Variants in UGT2B15 observed in about 807,000 individuals in gnomAD.
UGT2B15 encodes the protein UDP-glucuronosyltransferase 2B15.
Under a neutral mutation model 45.9 loss-of-function variants are expected in UGT2B15, and 36 were observed. The observed-to-expected ratio is 0.78, with a 90% CI of 0.60 to 1.04. UGT2B15 has a LOEUF of 1.04. Among genes scored for constraint, UGT2B15 ranks in the 50% least tolerant of loss-of-function variants. The pLI, the probability that UGT2B15 is intolerant of heterozygous loss-of-function variation, is 0.00. For missense variants in UGT2B15, 617 were observed against 622.4 expected, an observed-to-expected ratio of 0.99 and a Z score of 0.09; for synonymous variants, 219 against 216.4, an observed-to-expected ratio of 1.01 and a Z score of -0.11.
chr4:68,650,214 G>A (rs1732609987), intron 5 of UGT2B15, among the ~76,000 whole-genome samples: 2 of 151,876 alleles, frequency 1.3e-5, no homozygotes, highest in Admixed American at 6.6e-5. Context: ...TGTTACATAC[G>A]TATATACGTG....
rs534009404 is a variant in UGT2B15 at position 68,657,089 on chromosome 4, G to A, written c.1006-1907C>T. Among the ~76,000 whole-genome samples the A allele has an allele frequency of 5.8e-4, 89 of 152,208 alleles. 1 individual carries two copies. Among genetic ancestry groups the A allele is most frequent in the African/African-American group, 2.1e-3 (87 of 41,544 alleles). Reference sequence around the variant, plus strand: ...TTATTCCCCAAATTAATCTCATTTGGCTTGTCTGTGTGGATTTGTGTGAGA... The same window carrying A: ...TTATTCCCCAAATTAATCTCATTTGACTTGTCTGTGTGGATTTGTGTGAGA... On this transcript the variant is annotated intron_variant, in intron 3 of 5. Transcript: ENST00000338206.
chr4:68,664,110 C>G (rs1215909529), intron 2 of UGT2B15, among the ~76,000 whole-genome samples: 5 of 151,798 alleles, frequency 3.3e-5, no homozygotes, highest in South Asian at 2.1e-4. Context: ...CTGCTCACCC[C>G]CTAGAGTAGC....
chr4:68,655,464 CAA>C (rs1732777227), intron 3 of UGT2B15, among the ~76,000 whole-genome samples: 1 of 152,062 alleles, frequency 6.6e-6, no homozygotes, highest in African/African-American at 2.4e-5. Flanking sequence ...TAAATCTTGG[CAA>C]CCCAAACTCT....
At chr4:68,649,700 C>T (rs754741382) in intron 5 of UGT2B15, among the ~76,000 whole-genome samples, 22 of 152,000 alleles carry the variant, frequency 1.4e-4, no homozygotes, top group Non-Finnish European at 2.6e-4. Flanking sequence ...ATATATAACA[C>T]ATAGATTACA....
chr4:68,661,234 T>A lies in UGT2B15; in HGVS notation c.1005+1774A>T, dbSNP rs539476853. On this transcript the variant is annotated intron_variant, in intron 3 of 5. Transcript: ENST00000338206. The stretch of plus-strand genomic sequence containing the variant: ...TCACTGCCTCCCATTCTATTCAAAG[T>A]CACCCCTCTGCTCACTGGGATAAAT... Among the ~76,000 whole-genome samples the A allele has an allele frequency of 1.2e-4, 19 of 152,134 alleles. 1 individual carries two copies. Among genetic ancestry groups the A allele is most frequent in the Non-Finnish European group, 1.9e-4 (13 of 67,970 alleles).
intron 2 of UGT2B15, among the ~76,000 whole-genome samples, chr4:68,666,242 C>T (rs1733115113): frequency 6.6e-6 from 1 of 152,030 alleles, no homozygotes; most frequent in South Asian, 2.1e-4. Context: ...ACTGACTGCC[C>T]AAACTTAAAC....
rs369459294 is a variant in UGT2B15, at chr4:68,654,290, T to A, written c.1094-34A>T. On this transcript the variant is annotated intron_variant, in intron 4 of 5. Coordinates refer to ENST00000338206, the MANE Select transcript of UGT2B15 (RefSeq NM_001076.4). Reference sequence around the variant, plus strand: ...GGATGCATTTTAACAAAATTATTAATTACAAGGTATGAGAATTGAATAAGA... The same window carrying A: ...GGATGCATTTTAACAAAATTATTAAATACAAGGTATGAGAATTGAATAAGA... The A allele has an allele frequency of 2.9e-5, 47 of 1,602,706 alleles. No individual in the cohort carries two copies. In the African/African-American group the frequency reaches 5.9e-4, roughly 20 times the overall value.
At chr4:68,655,695 C>T (rs1732783492) in intron 3 of UGT2B15, among the ~76,000 whole-genome samples, 1 of 152,086 alleles carries the variant, frequency 6.6e-6, no homozygotes, top group Admixed American at 6.6e-5. Flanking sequence ...AGCTGTCTCC[C>T]ATTTCTGGAC....
chr4:68,654,352 C>A, intron 4 of UGT2B15, 96 bp from the exon 5 acceptor site: 1 of 1,277,198 alleles, frequency 7.8e-7, no homozygotes, highest in Non-Finnish European at 1.1e-6. Context: ...AAAACTGTTC[C>A]CTAGGTAACA....
At chr4:68,669,350 T>C (rs1249820519) in intron 1 of UGT2B15, among the ~76,000 whole-genome samples, 1 of 152,124 alleles carries the variant, frequency 6.6e-6, no homozygotes, top group Non-Finnish European at 1.5e-5. Context: ...TGAAGGAATG[T>C]ATAAACATTA....
In UGT2B15 at chr4:68,670,322, A is replaced by G. The variant is rs1215572651; in HGVS notation, c.297T>C (p.Tyr99=). Residue 99 remains tyrosine (Y), a synonymous_variant, in exon 1 of 6, where the codon TAT becomes TAC. Transcript: ENST00000338206. ...ACCAAAATGTATTTTTTGAAACACCATATATCCATCTATCGAGAATTTTCA... is the reference window on the plus strand; with the variant it reads ...ACCAAAATGTATTTTTTGAAACACCGTATATCCATCTATCGAGAATTTTCA... The part of the protein sequence containing the change: ...SLLKILDRWI[Y]GVSKNTFWSY... 4.3e-6 allele frequency: 7 copies of G among 1,613,906 alleles called. No homozygotes were observed. The South Asian group carries it at 4.4e-5, about 10-fold the overall frequency.
chr4:68,647,099 T>A lies in UGT2B15; in HGVS notation c.*5A>T. 2 of 1,610,154 alleles carry A rather than the reference T, an allele frequency of 1.2e-6. No homozygotes were observed. The highest frequency in any genetic ancestry group is 1.7e-6 in the Non-Finnish European group (2 of 1,177,470). ...CAGTCATTCCACTTCAGGCTTTTGA[T>A]ATAACTAATCTCTTTTCTTCTTCTT... On this transcript the variant is annotated 3_prime_UTR_variant, in exon 6 of 6. Coordinates refer to ENST00000338206, the MANE Select transcript of UGT2B15 (RefSeq NM_001076.4).
In UGT2B15 at chr4:68,655,133, G is replaced by A. The variant is rs148583958; in HGVS notation, c.1055C>T (p.Thr352Ile). 6,605 of 1,613,210 alleles carry A rather than the reference G, an allele frequency of 4.1e-3. 29 individuals are homozygous for A. The highest frequency in any genetic ancestry group is 9.3e-3 in the South Asian group (844 of 91,046). ...GKKPNTLGSN[T>I]RLYKWLPQND... Reference sequence around the variant, plus strand: ...CTGGGGTAACCACTTGTACAGTCGAGTATTGGAACCTAAAGTATTTGGCTT... The same window carrying A: ...CTGGGGTAACCACTTGTACAGTCGAATATTGGAACCTAAAGTATTTGGCTT... Residue 352 changes from threonine to isoleucine, a missense_variant, in exon 4 of 6, where the codon ACT (threonine) becomes ATT (isoleucine). Coordinates refer to ENST00000338206, the MANE Select transcript of UGT2B15 (RefSeq NM_001076.4).
At chr4:68,658,822 G>C (rs1245191096) in intron 3 of UGT2B15, among the ~76,000 whole-genome samples, 1 of 151,940 alleles carries the variant, frequency 6.6e-6, no homozygotes, top group South Asian at 2.1e-4. Context: ...GTTTGTTGTG[G>C]CATAATGCTA....
chr4:68,659,872 T>TA (rs1365466275), intron 3 of UGT2B15, among the ~76,000 whole-genome samples: 1 of 151,178 alleles, frequency 6.6e-6, no homozygotes, highest in Non-Finnish European at 1.5e-5. Context: ...ACTGAAATAA[T>TA]AAAAAACTAA....
Position 68,662,994 on chromosome 4 carries a change from G to T in UGT2B15, c.1005+14C>A, listed in dbSNP as rs917481171. 1 of 1,399,762 alleles carries T rather than the reference G, an allele frequency of 7.1e-7. No individual in the cohort carries two copies. The highest frequency in any genetic ancestry group is 1.3e-5 in the South Asian group (1 of 79,192). The allele number at this position is 1,399,762 out of a possible 1,614,324, so 86.7% of individuals were successfully genotyped here. On this transcript the variant is annotated intron_variant, in intron 3 of 5. Transcript: ENST00000338206. ...CATTTAGTAGCCATCCACAGTTAAG[G>T]CACTTTATCTAACCTTTTGTGGGAT...
chr4:68,660,699 G>C (rs1732938295), intron 3 of UGT2B15, among the ~76,000 whole-genome samples: 1 of 151,900 alleles, frequency 6.6e-6, no homozygotes, highest in African/African-American at 2.4e-5. Context: ...AGTTTGGACT[G>C]AATTCTAATT....
chr4:68,662,543 T>C (rs893631063), intron 3 of UGT2B15, among the ~76,000 whole-genome samples: 3 of 147,616 alleles, frequency 2.0e-5, no homozygotes, highest in African/African-American at 7.6e-5. Flanking sequence ...GCCAGATTGC[T>C]TGGTAAGACG....
chr4:68,647,444 G>A, intron 5 of UGT2B15, 61 bp from the exon 6 acceptor site: 6 of 1,508,776 alleles, frequency 4.0e-6, no homozygotes, highest in Non-Finnish European at 5.4e-6. Flanking sequence ...AGCATATCAA[G>A]TCTATGGATG....
Sources: allele counts gnomAD v4.1 joint callset (sites outside exome capture counted in the v4.1 genomes callset), GRCh38; gene constraint gnomAD v4.1.1; transcripts MANE v1.5; gene names NCBI Gene and HGNC (gene_info 2026-07-23, HGNC 2026-07-21).